The following DRC11 variants were observed in gnomAD, a reference collection of about 807,000 sequenced individuals.
DRC11 encodes dynein regulatory complex subunit 11, also known as IQ and AAA domain-containing protein 1.
At chr2:236,443,554 G>T in the DRC11 span, among the ~76,000 whole-genome samples, 2 of 152,120 alleles carry the variant, frequency 1.3e-5, no homozygotes, top group South Asian at 4.1e-4. This position sits in a 1 kb window ranked among gnomAD's most constrained non-coding sequence, Gnocchi z 4.4. Flanking sequence ...CCCTGCAAAG[G>T]ACATGATCTC....
chr2:236,348,287 T>C, the DRC11 span, among the ~76,000 whole-genome samples: 1 of 152,140 alleles, frequency 6.6e-6, no homozygotes, highest in South Asian at 2.1e-4. The surrounding 1 kb of genome is among the most constrained non-coding windows in gnomAD (Gnocchi z 7.4). Context: ...GGAGAAAATG[T>C]AGGGTGGGCT....
At chr2:236,459,616 A>ATATACATACGTATATACGTATATAC in the DRC11 span, among the ~76,000 whole-genome samples, 9 of 130,874 alleles carry the variant, frequency 6.9e-5, no homozygotes, top group African/African-American at 1.4e-4. Flanking sequence ...TACGTATATA[A>ATATACATACGTATATACGTATATAC]GTATATACAT....
chr2:236,371,824 CCTTTCCCTGAGCAT>C, the DRC11 span, among the ~76,000 whole-genome samples: 1 of 152,132 alleles, frequency 6.6e-6, no homozygotes, highest in South Asian at 2.1e-4. This position sits in a 1 kb window ranked among gnomAD's most constrained non-coding sequence, Gnocchi z 5.1. Context: ...GATCCTGCTT[CCTTTCCCTGAGCAT>C]CTTATGTATG....
the DRC11 span, among the ~76,000 whole-genome samples, chr2:236,493,031 G>A: frequency 6.6e-6 from 1 of 152,184 alleles, no homozygotes; most frequent in East Asian, 1.9e-4. Context: ...AGACTTACCT[G>A]AGACTGGGCA....
chr2:236,449,153 C>G, the DRC11 span, among the ~76,000 whole-genome samples: 1 of 152,206 alleles, frequency 6.6e-6, no homozygotes, highest in Non-Finnish European at 1.5e-5. The surrounding 1 kb of genome is among the most constrained non-coding windows in gnomAD (Gnocchi z 5.1). Flanking sequence ...AGCCACTACA[C>G]CCACTGGGTG....
the DRC11 span, among the ~76,000 whole-genome samples, chr2:236,494,851 G>A: frequency 4.6e-5 from 7 of 152,288 alleles, no homozygotes; most frequent in African/African-American, 1.7e-4. The surrounding 1 kb of genome is among the most constrained non-coding windows in gnomAD (Gnocchi z 4.2). Context: ...GAGTGCTGGG[G>A]GTGACGGGAG....
chr2:236,370,407 G>A, the DRC11 span, among the ~76,000 whole-genome samples: 7 of 152,322 alleles, frequency 4.6e-5, no homozygotes, highest in Admixed American at 6.5e-5. This position sits in a 1 kb window ranked among gnomAD's most constrained non-coding sequence, Gnocchi z 5.5. Context: ...CTTGGAGGGA[G>A]GCAGCCTCAG....
the DRC11 span, among the ~76,000 whole-genome samples, chr2:236,480,543 T>C: frequency 3.9e-5 from 6 of 152,344 alleles, no homozygotes; most frequent in Non-Finnish European, 8.8e-5. Context: ...ATCCAGCAAA[T>C]GTATTTACCA....
the DRC11 span, among the ~76,000 whole-genome samples, chr2:236,468,291 C>T: frequency 1.3e-5 from 2 of 152,032 alleles, no homozygotes; most frequent in South Asian, 2.1e-4. Context: ...GGGGTCTTGC[C>T]ATGTTGCCTA....
chr2:236,393,877 C>CA, the DRC11 span, among the ~76,000 whole-genome samples: 1 of 152,318 alleles, frequency 6.6e-6, no homozygotes, highest in East Asian at 1.9e-4. This position sits in a 1 kb window ranked among gnomAD's most constrained non-coding sequence, Gnocchi z 4.7. Flanking sequence ...TACCACCTAC[C>CA]AGCTGGTGAC....
chr2:236,393,077 T>C, the DRC11 span, among the ~76,000 whole-genome samples: 1 of 152,152 alleles, frequency 6.6e-6, no homozygotes, highest in African/African-American at 2.4e-5. This position sits in a 1 kb window ranked among gnomAD's most constrained non-coding sequence, Gnocchi z 4.7. Flanking sequence ...AGCTGGATCC[T>C]CGACGTGGGA....
At chr2:236,380,651 G>T in the DRC11 span, 1 of 1,533,422 alleles carries the variant, frequency 6.5e-7, no homozygotes, top group Non-Finnish European at 8.8e-7. The surrounding 1 kb of genome is among the most constrained non-coding windows in gnomAD (Gnocchi z 4.9). Flanking sequence ...GGAAAAAAAG[G>T]AAATAACCAA....
At chr2:236,493,807 AG>A in the DRC11 span, 1 of 1,607,832 alleles carries the variant, frequency 6.2e-7, no homozygotes, top group African/African-American at 1.3e-5. Flanking sequence ...CTAATATTTG[AG>A]CAAGAATTTT....
the DRC11 span, among the ~76,000 whole-genome samples, chr2:236,338,846 T>C: frequency 1.3e-5 from 2 of 152,204 alleles, no homozygotes; most frequent in African/African-American, 4.8e-5. Flanking sequence ...GTGAAACTTA[T>C]CTCTCTGAAG....
chr2:236,489,742 G>A, the DRC11 span, among the ~76,000 whole-genome samples: 1 of 152,118 alleles, frequency 6.6e-6, no homozygotes. Flanking sequence ...GGGCAAAGCG[G>A]TGAGACCCCG....
the DRC11 span, among the ~76,000 whole-genome samples, chr2:236,399,011 G>A: frequency 1.4e-4 from 21 of 150,636 alleles, no homozygotes; most frequent in African/African-American, 5.1e-4. The surrounding 1 kb of genome is among the most constrained non-coding windows in gnomAD (Gnocchi z 7.0). Context: ...TTTTTTTGAG[G>A]CAGAGTCTCG....
At chr2:236,423,388 A>G in the DRC11 span, among the ~76,000 whole-genome samples, 1 of 152,246 alleles carries the variant, frequency 6.6e-6, no homozygotes, top group South Asian at 2.1e-4. Context: ...CAAGTGGGCA[A>G]AGGATATGAA....
At chr2:236,308,049 G>C in the DRC11 span, among the ~76,000 whole-genome samples, 3 of 152,242 alleles carry the variant, frequency 2.0e-5, no homozygotes, top group East Asian at 3.9e-4. The surrounding 1 kb of genome is among the most constrained non-coding windows in gnomAD (Gnocchi z 6.0). Context: ...GTCCTCGTGT[G>C]CTTGCAGTGA....
At chr2:236,435,054 C>T in the DRC11 span, among the ~76,000 whole-genome samples, 1 of 152,182 alleles carries the variant, frequency 6.6e-6, no homozygotes, top group African/African-American at 2.4e-5. Context: ...GGAGCAGAGG[C>T]TGGTTTCTGA....
Sources: gnomAD v4.1 joint callset for allele counts (sites outside exome capture counted in the v4.1 genomes callset) on GRCh38, gnomAD v4.1.1 for gene constraint, Gnocchi (gnomAD v3.1) non-coding constraint, MANE v1.5 for transcripts, NCBI Gene and HGNC (gene_info 2026-07-23, HGNC 2026-07-21) for gene names.